ULK4: variants seen among roughly 807,000 people sequenced by gnomAD.
ULK4 encodes the protein unc-51 like kinase 4, also known as inactive serine/threonine-protein kinase ULK4.
A neutral mutation model predicts 160.6 loss-of-function variants in ULK4; 133 were observed. That is an observed-to-expected ratio of 0.83 (90% CI 0.72 to 0.96). The LOEUF (loss-of-function observed/expected upper bound fraction) is 0.96. Ranked by LOEUF, ULK4 falls within the 40% of genes least tolerant of loss-of-function variation. ULK4 has a pLI of 0.00. For missense variants in ULK4, 1,580 were observed against 1,499.5 expected (o/e 1.05, Z -0.89); for synonymous variants, 534 against 539.8 (o/e 0.99, Z 0.15).
chr3:41,279,258 A>AAAAAC (rs2079299097), intron 35 of ULK4, among the ~76,000 whole-genome samples: 6 of 118,066 alleles, frequency 5.1e-5, no homozygotes, highest in Admixed American at 1.6e-4. Flanking sequence ...AAAAGAGTAA[A>AAAAAC]AAAAAAAAAA....
intron 31 of ULK4, among the ~76,000 whole-genome samples, chr3:41,594,871 G>A (rs1015405882): frequency 6.6e-6 from 1 of 152,110 alleles, no homozygotes; most frequent in Non-Finnish European, 1.5e-5. Flanking sequence ...GGACTACGGT[G>A]AGAGTAATGG....
At chr3:41,600,137 C>T (rs1263165888) in intron 31 of ULK4, among the ~76,000 whole-genome samples, 2 of 152,162 alleles carry the variant, frequency 1.3e-5, no homozygotes, top group African/African-American at 4.8e-5. Flanking sequence ...TTAGCACAGA[C>T]TAAAAGCTTG....
chr3:41,311,960 A>ATTTATTTTAT (rs141914789), intron 35 of ULK4, among the ~76,000 whole-genome samples: 8,540 of 147,214 alleles, frequency 0.058, 301 homozygotes, highest in Non-Finnish European at 0.078. Flanking sequence ...TCTAACACAC[A>ATTTATTTTAT]TTTATTTTAT....
At chr3:41,477,647 A>G (rs2084184079) in intron 32 of ULK4, among the ~76,000 whole-genome samples, 1 of 152,238 alleles carries the variant, frequency 6.6e-6, no homozygotes, top group Admixed American at 6.5e-5. Flanking sequence ...CAGTTAAGTT[A>G]AAAAGTCTGT....
rs577268803 is a variant in ULK4, at chr3:41,478,730, A to T, written c.3227-15477T>A. Reference sequence around the variant, plus strand: ...CTGCACTGAAGATACACTCATTTTGACTACTCATAGCTCAAGTGGCTTAGG... The same window carrying T: ...CTGCACTGAAGATACACTCATTTTGTCTACTCATAGCTCAAGTGGCTTAGG... On this transcript the variant is annotated intron_variant, in intron 32 of 36. Coordinates refer to ENST00000301831, the MANE Select transcript of ULK4 (RefSeq NM_017886.4). Among the ~76,000 whole-genome samples, 3 of 152,350 alleles carry T rather than the reference A, an allele frequency of 2.0e-5. No homozygotes were observed. In the South Asian group the frequency reaches 6.2e-4, roughly 32 times the overall value.
At position 41,308,652 on chromosome 3, in the gene ULK4, T is replaced by C. The variant is rs78901667; in HGVS notation, c.3679-59078A>G. ...AAGAGAGATCAAGTAAGTCAGAAAA[T>C]AGATACGGGTTGAGTATTCCTAATC... On this transcript the variant is annotated intron_variant, in intron 35 of 36. Transcript: ENST00000301831. Among the ~76,000 whole-genome samples the C allele has an allele frequency of 5.5e-3, 832 of 152,168 alleles. 13 individuals are homozygous for C. The highest frequency in any genetic ancestry group is 0.019 in the African/African-American group (790 of 41,536).
chr3:41,754,584 G>T, intron 21 of ULK4, 96 bp from the exon 22 acceptor site: 3 of 1,162,644 alleles, frequency 2.6e-6, no homozygotes, highest in Non-Finnish European at 3.5e-6. Flanking sequence ...CAAGCAGATG[G>T]CAGGAAGTAA....
At chr3:41,941,755 C>CA (rs565727539) in intron 2 of ULK4, among the ~76,000 whole-genome samples, 308 of 30,706 alleles carry the variant, frequency 0.01, 10 homozygotes, top group African/African-American at 0.02. Context: ...GACTCTGTCT[C>CA]AAAAAAAAAA....
intron 2 of ULK4, among the ~76,000 whole-genome samples, chr3:41,944,337 G>A (rs1274821583): frequency 6.6e-6 from 1 of 152,194 alleles, no homozygotes; most frequent in Non-Finnish European, 1.5e-5. Context: ...TTTCACGGGA[G>A]GATGAGGCAG....
At chr3:41,318,138 T>TA (rs11429605) in intron 35 of ULK4, among the ~76,000 whole-genome samples, 44,792 of 146,882 alleles carry the variant, frequency 0.3, 6,919 homozygotes, top group Middle Eastern at 0.37. Flanking sequence ...AAATTATAGT[T>TA]AAAAAAAAAT....
chr3:41,312,951 C>T (rs1292428741), intron 35 of ULK4, among the ~76,000 whole-genome samples: 1 of 151,720 alleles, frequency 6.6e-6, no homozygotes, highest in African/African-American at 2.4e-5. Context: ...ATCATACAAA[C>T]AAATAAATTA....
chr3:41,739,920 TA>T (rs2038186917), intron 22 of ULK4, among the ~76,000 whole-genome samples: 1 of 151,940 alleles, frequency 6.6e-6, no homozygotes. Context: ...CTCTCTATAA[TA>T]CACAAATTAA....
At chr3:41,315,969 GAA>G (rs1157194740) in intron 35 of ULK4, among the ~76,000 whole-genome samples, 2 of 152,160 alleles carry the variant, frequency 1.3e-5, no homozygotes, top group Admixed American at 6.6e-5. Context: ...AGCTACTTTA[GAA>G]AAGAGTCTGG....
At chr3:41,858,509 ATTTTTTTT>A (rs552326948) in intron 17 of ULK4, among the ~76,000 whole-genome samples, 23 of 124,508 alleles carry the variant, frequency 1.8e-4, no homozygotes, top group African/African-American at 6.8e-4. Context: ...AAATTTTTCA[ATTTTTTTT>A]TTTTTTTTTT....
intron 32 of ULK4, among the ~76,000 whole-genome samples, chr3:41,520,706 T>A (rs1490161839): frequency 2.0e-5 from 3 of 152,178 alleles, no homozygotes; most frequent in Non-Finnish European, 4.4e-5. Flanking sequence ...TTTCTCCACA[T>A]CCTCACCAAC....
chr3:41,785,735 G>A (rs962790882), intron 21 of ULK4, among the ~76,000 whole-genome samples: 7 of 152,160 alleles, frequency 4.6e-5, no homozygotes. Context: ...AGGTATAGAC[G>A]ACACTCACTT....
intron 27 of ULK4, among the ~76,000 whole-genome samples, chr3:41,686,895 T>G (rs913063339): frequency 6.6e-6 from 1 of 152,204 alleles, no homozygotes; most frequent in Non-Finnish European, 1.5e-5. Flanking sequence ...AAGAACTGTA[T>G]GCATTTTATT....
intron 8 of ULK4, among the ~76,000 whole-genome samples, chr3:41,914,051 C>T (rs1405586068): frequency 6.6e-6 from 1 of 152,190 alleles, no homozygotes; most frequent in Non-Finnish European, 1.5e-5. Flanking sequence ...ATAATATTAC[C>T]TAGCTAGTTC....
chr3:41,266,967 C>T (rs931217108), intron 35 of ULK4, among the ~76,000 whole-genome samples: 2 of 141,768 alleles, frequency 1.4e-5, no homozygotes, highest in Non-Finnish European at 3.0e-5. Flanking sequence ...ACCCTCTTGC[C>T]AGCTACCTCA....
Sources: gnomAD v4.1 joint callset for allele counts (sites outside exome capture counted in the v4.1 genomes callset) on GRCh38, gnomAD v4.1.1 for gene constraint, MANE v1.5 for transcripts, NCBI Gene and HGNC (gene_info 2026-07-23, HGNC 2026-07-21) for gene names.